Variants in RAB3GAP2 observed in about 807,000 individuals in gnomAD.
RAB3GAP2 encodes rab3 GTPase-activating protein non-catalytic subunit.
A neutral mutation model predicts 185.3 loss-of-function variants in RAB3GAP2; 87 were observed. The ratio of observed to expected loss-of-function variants is 0.47; its 90% CI spans 0.39 to 0.56. RAB3GAP2 has a LOEUF of 0.56. Ranked by LOEUF, RAB3GAP2 falls within the 20% of genes least tolerant of loss-of-function variation. RAB3GAP2 has a pLI of 0.00. For synonymous variants in RAB3GAP2, 554 were observed against 576.1 expected (o/e 0.96, Z 0.55); for missense variants, 1,492 against 1,638.2 (o/e 0.91, Z 1.54).
At chr1:220,236,833 A>T (rs1255819424) in intron 1 of RAB3GAP2, among the ~76,000 whole-genome samples, 6 of 152,166 alleles carry the variant, frequency 3.9e-5, no homozygotes, top group Non-Finnish European at 7.3e-5. Context: ...TTTTTAATTG[A>T]TCATTGGTCA....
At chr1:220,264,071 T>C (rs540484004) in intron 1 of RAB3GAP2, among the ~76,000 whole-genome samples, 1 of 152,034 alleles carries the variant, frequency 6.6e-6, no homozygotes, top group Non-Finnish European at 1.5e-5. Context: ...CAACAGTTTT[T>C]ACAAGTCCTT....
chr1:220,175,096 T>C (rs939991417), intron 21 of RAB3GAP2, among the ~76,000 whole-genome samples: 2 of 152,166 alleles, frequency 1.3e-5, no homozygotes, highest in East Asian at 3.8e-4. Context: ...AAAAGAAATG[T>C]TGGGGGAGAG....
At chr1:220,183,645 T>C (rs904230481) in intron 19 of RAB3GAP2, among the ~76,000 whole-genome samples, 2 of 152,160 alleles carry the variant, frequency 1.3e-5, no homozygotes, top group African/African-American at 4.8e-5. Context: ...CTGAGGAAAC[T>C]AAATATTGAA....
rs753780971 is a variant in RAB3GAP2 at position 220,167,658 on chromosome 1, C to T, written c.2824G>A (p.Val942Ile). Residue 942 changes from valine (V) to isoleucine (I), a missense_variant, in exon 25 of 35, where the codon GTA becomes ATA. Coordinates refer to ENST00000358951, the MANE Select transcript of RAB3GAP2 (RefSeq NM_012414.4). ...EGGKGGIADS[V>I]AKWIFKQDFS... ...TCCTGTTTAAATATCCACTTGGCTA[C>T]ACTGTCTGCAATGCCACCTATAGTT... 1.2e-6 allele frequency: 2 copies of T among 1,613,912 alleles called. No individual in the cohort carries two copies. The highest frequency in any genetic ancestry group is 1.7e-6 in the Non-Finnish European group (2 of 1,179,970).
intron 1 of RAB3GAP2, among the ~76,000 whole-genome samples, chr1:220,249,812 G>A (rs760802514): frequency 2.6e-5 from 4 of 152,314 alleles, no homozygotes; most frequent in Non-Finnish European, 5.9e-5. Context: ...GCTTCAGAGG[G>A]TGCAAGCCCC....
At chr1:220,211,333 C>T (rs747480823) in intron 4 of RAB3GAP2, 24 of 502,246 alleles carry the variant, frequency 4.8e-5, no homozygotes, top group South Asian at 1.7e-4. Context: ...ATGATCCCCA[C>T]GCAGCCATTT....
intron 1 of RAB3GAP2, among the ~76,000 whole-genome samples, chr1:220,264,443 G>A (rs952580694): frequency 1.6e-4 from 25 of 151,922 alleles, no homozygotes; most frequent in Admixed American, 1.6e-3. Context: ...GACTACAAAC[G>A]TGTCAGAGAT....
chr1:220,253,725 T>A, intron 1 of RAB3GAP2: 1 of 1,610,878 alleles, frequency 6.2e-7, no homozygotes, highest in Non-Finnish European at 8.5e-7. Context: ...GGAATAAAAA[T>A]TGGGATGAGT....
chr1:220,173,616 T>G (rs1265169406), intron 21 of RAB3GAP2, among the ~76,000 whole-genome samples: 1 of 152,222 alleles, frequency 6.6e-6, no homozygotes, highest in Non-Finnish European at 1.5e-5. Context: ...GATAAGTACG[T>G]GACATGCACA....
chr1:220,179,228 G>A (rs189444094), intron 21 of RAB3GAP2, among the ~76,000 whole-genome samples: 3 of 119,012 alleles, frequency 2.5e-5, no homozygotes, highest in African/African-American at 3.3e-5. Context: ...CCGCCTGGGC[G>A]ACAGTGAGAC....
rs1359485590 is a variant in RAB3GAP2 at position 220,176,806 on chromosome 1, A to G, written c.2311-4064T>C. Among the ~76,000 whole-genome samples, 3 of 152,138 alleles carry G rather than the reference A, an allele frequency of 2.0e-5. No individual in the cohort carries two copies. The East Asian group carries it at 5.8e-4, about 29-fold the overall frequency. ...GGAGAACTATCCTATCTGTGCAGGA[A>G]CTTGCTGAAGACACATGCCTCTCTG... On this transcript the variant is annotated intron_variant, in intron 21 of 34. Transcript: ENST00000358951.
chr1:220,206,019 T>TAAA lies in RAB3GAP2; in HGVS notation c.613-16_613-14dup. Reference sequence around the variant, plus strand: ...TCAACTCTTCATTCTATTTAAGAAATAAAAAAAAAAAGTTCTTGAATAGAT... The same window carrying TAAA: ...TCAACTCTTCATTCTATTTAAGAAATAAAAAAAAAAAAAAGTTCTTGAATAGAT... On this transcript the variant is annotated splice_polypyrimidine_tract_variant and intron_variant, in intron 7 of 34. Transcript: ENST00000358951. The TAAA allele has an allele frequency of 8.1e-7, 1 of 1,227,852 alleles. No homozygotes were observed. Among genetic ancestry groups the TAAA allele is most frequent in the South Asian group, 1.6e-5 (1 of 62,918 alleles). The allele number at this position is 1,227,852 out of a possible 1,614,324, so 76.1% of individuals were successfully genotyped here.
chr1:220,151,719 G>A lies in RAB3GAP2; in HGVS notation c.3913C>T (p.Leu1305=). Reference sequence around the variant, plus strand: ...GCCAGCCTTTGCCCCGTGAGCACCAGCAGCTGAGAGGCAAGGACCTCTTTG... The same window carrying A: ...GCCAGCCTTTGCCCCGTGAGCACCAACAGCTGAGAGGCAAGGACCTCTTTG... ...HDKEVLASQL[L]VLTGQRLAHA... The change falls in exon 34 of 35, where the codon CTG becomes TTG. Residue 1305 remains leucine, a synonymous_variant. Coordinates refer to ENST00000358951, the MANE Select transcript of RAB3GAP2 (RefSeq NM_012414.4). The A allele has an allele frequency of 6.2e-7, 1 of 1,612,038 alleles. No individual in the cohort carries two copies. Among genetic ancestry groups the A allele is most frequent in the East Asian group, 2.2e-5 (1 of 44,856 alleles).
At chr1:220,234,573 A>G (rs919789000) in intron 1 of RAB3GAP2, among the ~76,000 whole-genome samples, 1 of 152,236 alleles carries the variant, frequency 6.6e-6, no homozygotes, top group Non-Finnish European at 1.5e-5. Context: ...ATACAAGTCA[A>G]TTAGCAATTT....
At chr1:220,217,636 C>T (rs1314352635) in intron 2 of RAB3GAP2, among the ~76,000 whole-genome samples, 1 of 152,088 alleles carries the variant, frequency 6.6e-6, no homozygotes, top group African/African-American at 2.4e-5. Flanking sequence ...ACATGTAGCA[C>T]AGTCCACTAA....
intron 32 of RAB3GAP2, 178 bp downstream of exon 32, chr1:220,153,790 C>T: frequency 2.6e-6 from 2 of 756,232 alleles, no homozygotes; most frequent in Non-Finnish European, 4.0e-6. Flanking sequence ...TGTGATGTTC[C>T]CCACCCTGTG....
intron 21 of RAB3GAP2, among the ~76,000 whole-genome samples, chr1:220,174,841 C>T (rs1465021153): frequency 6.6e-6 from 1 of 152,054 alleles, no homozygotes; most frequent in Admixed American, 6.6e-5. Flanking sequence ...ATAATTACAC[C>T]ATGTTCCTTC....
intron 9 of RAB3GAP2, among the ~76,000 whole-genome samples, chr1:220,198,604 CA>C (rs1658774326): frequency 6.6e-6 from 1 of 152,074 alleles, no homozygotes; most frequent in African/African-American, 2.4e-5. Context: ...TATATCCTTC[CA>C]AAATATTTGT....
intron 1 of RAB3GAP2, among the ~76,000 whole-genome samples, chr1:220,240,414 A>G (rs774714654): frequency 6.6e-6 from 1 of 152,154 alleles, no homozygotes; most frequent in Non-Finnish European, 1.5e-5. Flanking sequence ...TCCCTTCTTA[A>G]GGGGTGAACT....
Sources: allele counts gnomAD v4.1 joint callset (sites outside exome capture counted in the v4.1 genomes callset), GRCh38; gene constraint gnomAD v4.1.1; transcripts MANE v1.5; gene names NCBI Gene and HGNC (gene_info 2026-07-23, HGNC 2026-07-21).